Variants in PKN3 observed in about 807,000 individuals in gnomAD.
The protein encoded by PKN3 is protein kinase N3.
PKN3 carries 91 observed loss-of-function variants against 113.1 expected under a neutral mutation model. The observed-to-expected ratio is 0.80, with a 90% CI of 0.68 to 0.96. The LOEUF is 0.96. Among genes scored for constraint, PKN3 ranks in the 40% least tolerant of loss-of-function variants. The pLI is 0.00. For missense variants in PKN3, 1,052 were observed against 1,202.2 expected (o/e 0.88, Z 1.85); for synonymous variants, 467 against 499.0 (o/e 0.94, Z 0.85).
rs202215665 is a variant in PKN3, at chr9:128,720,305, G to T, written c.2457+22G>T. 267 of 1,612,824 alleles carry T rather than the reference G, an allele frequency of 1.7e-4. No individual in the cohort carries two copies. In the Middle Eastern group the frequency reaches 3.1e-3, roughly 19 times the overall value. ...CAGGGTGAGCGGCTGGGGTGGCGGT[G>T]GTCCCCTGTGCCTGGCAGGGTAGGT... On this transcript the variant is annotated intron_variant, in intron 21 of 21. Coordinates refer to ENST00000291906, the MANE Select transcript of PKN3 (RefSeq NM_013355.5). This position sits in a 1 kb window ranked among gnomAD's most constrained non-coding sequence, Gnocchi z 5.5.
At chr9:128,709,523 G>A (rs537117307) in intron 6 of PKN3, among the ~76,000 whole-genome samples, 1 of 151,810 alleles carries the variant, frequency 6.6e-6, no homozygotes, top group African/African-American at 2.4e-5. Context: ...AGGCCGAGGT[G>A]GGTGGATCAC....
At position 128,715,862 on chromosome 9, in the gene PKN3, A is replaced by G. The variant is rs1034450544; in HGVS notation, c.1808+402A>G. 6.6e-6 allele frequency among the ~76,000 whole-genome samples: 1 copy of G among 152,022 alleles called. No individual in the cohort carries two copies. The highest frequency in any genetic ancestry group is 2.4e-5 in the African/African-American group (1 of 41,370). On this transcript the variant is annotated intron_variant, in intron 15 of 21. Coordinates refer to ENST00000291906, the MANE Select transcript of PKN3 (RefSeq NM_013355.5). The surrounding 1 kb of genome is among the most constrained non-coding windows in gnomAD (Gnocchi z 4.1). The stretch of plus-strand genomic sequence containing the variant: ...AACCCCATCTATAAAAAATAGCCAG[A>G]CATGGTGGCATGTGCCTTTAGTCCC...
chr9:128,716,906 C>T lies in PKN3; in HGVS notation c.1968C>T (p.Phe656=), dbSNP rs1470120039. The T allele has an allele frequency of 4.3e-6, 7 of 1,613,654 alleles. No individual in the cohort carries two copies. The highest frequency in any genetic ancestry group is 1.1e-5 in the South Asian group (1 of 91,084). Residue 656 remains phenylalanine, a synonymous_variant, in exon 16 of 22, where the codon TTC becomes TTT. Transcript: ENST00000291906. ...TGATGCAGATCCACGAGGATGTCTT[C>T]CCCGAGCCCCAGGCCCGGTGGGTTC... ...DLMMQIHEDV[F]PEPQARFYVA...
rs977942059 is a variant in PKN3 at position 128,718,392 on chromosome 9, C to A, written c.2048+5C>A. 13 of 996,546 alleles carry A rather than the reference C, an allele frequency of 1.3e-5. No homozygotes were observed. Among genetic ancestry groups the A allele is most frequent in the Admixed American group, 5.4e-5 (3 of 55,208 alleles). 61.7% of individuals were successfully genotyped at this position (996,546 alleles called of 1,614,324 possible). On this transcript the variant is annotated splice_donor_5th_base_variant and intron_variant, in intron 17 of 21. Coordinates refer to ENST00000291906, the MANE Select transcript of PKN3 (RefSeq NM_013355.5). ...CGAGAAGAAGATCATTTACAGGTGACTTTTGTCCCAGGGATGCACGGGGGT... is the reference window on the plus strand; with the variant it reads ...CGAGAAGAAGATCATTTACAGGTGAATTTTGTCCCAGGGATGCACGGGGGT...
intron 1 of PKN3, 35 bp downstream of exon 1, chr9:128,702,974 G>C: frequency 7.3e-7 from 1 of 1,361,408 alleles, no homozygotes; most frequent in Non-Finnish European, 9.5e-7. Context: ...GGGCCCGGGG[G>C]GTGCGAGAAA....
intron 7 of PKN3, 33 bp from the exon 8 acceptor site, chr9:128,713,245 G>C (rs764785016): frequency 1.9e-6 from 3 of 1,612,548 alleles, no homozygotes; most frequent in Admixed American, 3.3e-5. Context: ...CCCTGCTTCA[G>C]GCCTGCCCTG....
chr9:128,710,563 C>T (rs1862147020), intron 6 of PKN3, among the ~76,000 whole-genome samples: 1 of 152,040 alleles, frequency 6.6e-6, no homozygotes, highest in African/African-American at 2.4e-5. Flanking sequence ...GCGATATCAG[C>T]TCACTGCAAC....
intron 6 of PKN3, among the ~76,000 whole-genome samples, chr9:128,712,111 T>C (rs765848417): frequency 4.6e-5 from 7 of 152,186 alleles, no homozygotes; most frequent in Non-Finnish European, 1.0e-4. Flanking sequence ...GGTTTCGCCA[T>C]GTTGGTCAGG....
chr9:128,702,560 C>T lies in PKN3; in HGVS notation c.-356C>T. 3.8e-6 allele frequency: 1 copy of T among 266,336 alleles called. No individual in the cohort carries two copies. Among genetic ancestry groups the T allele is most frequent in the South Asian group, 9.6e-5 (1 of 10,408 alleles). The allele number at this position is 266,336 out of a possible 1,614,324, so 16.5% of individuals were successfully genotyped here. The stretch of plus-strand genomic sequence containing the variant: ...CGCGCGGCGGGGAAGGCCAGAGGAC[C>T]TGGGCGCGGGCGATGTGCCTCCTGA... On this transcript the variant is annotated 5_prime_UTR_variant, in exon 1 of 22. Coordinates refer to ENST00000291906, the MANE Select transcript of PKN3 (RefSeq NM_013355.5).
At chr9:128,702,977 G>A (rs2132274869) in intron 1 of PKN3, 38 bp downstream of exon 1, 1 of 1,344,052 alleles carries the variant, frequency 7.4e-7, no homozygotes, top group Non-Finnish European at 9.7e-7. Context: ...CCCGGGGGGT[G>A]CGAGAAAGCC....
At chr9:128,716,595 C>T in intron 15 of PKN3, 152 bp from the exon 16 acceptor site, 1 of 465,338 alleles carries the variant, frequency 2.1e-6, no homozygotes, top group South Asian at 2.8e-5. Context: ...AAGACTGTGT[C>T]TCAAAAAAAA....
In PKN3 at chr9:128,707,364, C is replaced by T. The variant is rs767727865; in HGVS notation, c.794C>T (p.Pro265Leu). The T allele has an allele frequency of 3.7e-6, 6 of 1,612,988 alleles. No individual in the cohort carries two copies. In the Admixed American group the frequency reaches 8.3e-5, roughly 22 times the overall value. The part of the protein sequence containing the change: ...RELRAAVPGY[P>L]QPSGTPVKPT... ...TTGCGGGCTGCGGTGCCTGGATACC[C>T]CCAGCCTTCAGGGACACCTGTGAAG... Residue 265 changes from proline (P) to leucine (L), a missense_variant, in exon 6 of 22, where the codon CCC becomes CTC. Pro to Leu is a moderately conservative substitution (Grantham distance 98, BLOSUM62 -3). Transcript: ENST00000291906.
chr9:128,714,582 C>G lies in PKN3; in HGVS notation c.1502C>G (p.Thr501Ser). ...TACAGTAATTTCCTGCCCAAGAAGA[C>G]CCCCTTGGGTGAAGAGATGACACCC... ...ATPSNFLPKK[T>S]PLGEEMTPPP... The change falls in exon 12 of 22, where the codon ACC becomes AGC. Residue 501 changes from threonine to serine, a missense_variant. Thr to Ser is a moderately conservative substitution (Grantham distance 58). Transcript: ENST00000291906. 1 of 1,252,624 alleles carries G rather than the reference C, an allele frequency of 8.0e-7. No individual in the cohort carries two copies. The highest frequency in any genetic ancestry group is 1.2e-6 in the Non-Finnish European group (1 of 849,764). 77.6% of individuals were successfully genotyped at this position (1,252,624 alleles called of 1,614,324 possible).
intron 18 of PKN3, among the ~76,000 whole-genome samples, chr9:128,719,117 C>T (rs1469229663): frequency 6.6e-6 from 1 of 151,564 alleles, no homozygotes; most frequent in Non-Finnish European, 1.5e-5. Context: ...AGGATGGTCT[C>T]GATCTCCTGA....
At chr9:128,703,684 T>C in intron 1 of PKN3, 1 of 985,412 alleles carries the variant, frequency 1.0e-6, no homozygotes, top group Non-Finnish European at 1.2e-6. Flanking sequence ...TGTGTCCATG[T>C]TGGAGTTCCA....
At chr9:128,710,523 G>A (rs138407416) in intron 6 of PKN3, among the ~76,000 whole-genome samples, 9,788 of 151,938 alleles carry the variant, frequency 0.064, 385 homozygotes, top group South Asian at 0.14. Flanking sequence ...ATGGAGTCTC[G>A]CACTGTCGCC....
At chr9:128,708,579 T>G (rs1407523206) in intron 6 of PKN3, among the ~76,000 whole-genome samples, 2 of 151,914 alleles carry the variant, frequency 1.3e-5, no homozygotes, top group Non-Finnish European at 2.9e-5. Flanking sequence ...GCACAGTGGC[T>G]CAAGCCTGTA....
rs548931259 is a variant in PKN3, at chr9:128,703,227, C to G, written c.24+288C>G. Reference sequence around the variant, plus strand: ...CGGCTGAGTCCGCAGTGTGCGCCACCAGGGTGGTCCCCAGAGTGTCCTTAA... The same window carrying G: ...CGGCTGAGTCCGCAGTGTGCGCCACGAGGGTGGTCCCCAGAGTGTCCTTAA... On this transcript the variant is annotated intron_variant, in intron 1 of 21. Transcript: ENST00000291906. Among the ~76,000 whole-genome samples the G allele has an allele frequency of 3.3e-5, 5 of 152,340 alleles. No homozygotes were observed. In the South Asian group the frequency reaches 1.0e-3, roughly 32 times the overall value.
rs771840775 is a variant in PKN3, at chr9:128,705,321, C to T, written c.43C>T (p.Pro15Ser). The change falls in exon 2 of 22, where the codon CCC (proline) becomes TCC (serine). Residue 15 changes from proline to serine, a missense_variant. Physicochemically the swap from Pro to Ser is moderately conservative, Grantham distance 74. Coordinates refer to ENST00000291906, the MANE Select transcript of PKN3 (RefSeq NM_013355.5). ...TCTGCAGCCTGGGCCGAGCCAGTGGCCCCCAGAGGATGAGAAGGAGGTGAT... is the reference window on the plus strand; with the variant it reads ...TCTGCAGCCTGGGCCGAGCCAGTGGTCCCCAGAGGATGAGAAGGAGGTGAT... ...APRQPGPSQW[P>S]PEDEKEVIRR... 5 of 1,559,002 alleles carry T rather than the reference C, an allele frequency of 3.2e-6. No homozygotes were observed. The South Asian group carries it at 5.9e-5, about 18-fold the overall frequency.
Sources: allele counts gnomAD v4.1 joint callset (sites outside exome capture counted in the v4.1 genomes callset), GRCh38; gene constraint gnomAD v4.1.1; non-coding constraint Gnocchi (gnomAD v3.1); transcripts MANE v1.5; gene names NCBI Gene and HGNC (gene_info 2026-07-23, HGNC 2026-07-21).